The following SLC1A3 variants were observed in gnomAD, a reference collection of about 807,000 sequenced individuals.
SLC1A3 encodes excitatory amino acid transporter 1.
In SLC1A3, 21 loss-of-function variants were observed where a neutral mutation model predicts 48.1. The ratio of observed to expected loss-of-function variants is 0.44; its 90% CI spans 0.31 to 0.63. The LOEUF (loss-of-function observed/expected upper bound fraction) is 0.63, where lower values mean the gene tolerates loss of function less well. Among genes scored for constraint, SLC1A3 ranks in the 20% least tolerant of loss-of-function variants. SLC1A3 has a pLI of 0.08. For synonymous variants in SLC1A3, 239 were observed against 251.4 expected (o/e 0.95, Z 0.47); for missense variants, 546 against 689.0 (o/e 0.79, Z 2.32).
rs192666910 is a variant in SLC1A3, at chr5:36,657,529, T to C, written c.320-13500T>C. 2.6e-5 allele frequency among the ~76,000 whole-genome samples: 4 copies of C among 152,344 alleles called. No individual in the cohort carries two copies. In the East Asian group the frequency reaches 7.7e-4, roughly 29 times the overall value. On this transcript the variant is annotated intron_variant, in intron 3 of 9. Transcript: ENST00000265113. ...AAAAAAACCCTGCCCTGTTCCATACTTTAATCAACGACTCAACAACATAGA... is the reference window on the plus strand; with the variant it reads ...AAAAAAACCCTGCCCTGTTCCATACCTTAATCAACGACTCAACAACATAGA...
chr5:36,676,443 A>G (rs1742209151), intron 5 of SLC1A3, among the ~76,000 whole-genome samples: 1 of 152,180 alleles, frequency 6.6e-6, no homozygotes, highest in Non-Finnish European at 1.5e-5. Flanking sequence ...ATACCAGGTG[A>G]TTTATCTATT....
intron 3 of SLC1A3, among the ~76,000 whole-genome samples, chr5:36,656,565 A>C (rs373951554): frequency 6.6e-6 from 1 of 152,252 alleles, no homozygotes; most frequent in East Asian, 1.9e-4. Context: ...CTAATTGGTC[A>C]GTGAGAATCT....
rs570445189 is a variant in SLC1A3, at chr5:36,676,762, T to C, written c.568-130T>C. The C allele has an allele frequency of 1.4e-4, 97 of 707,926 alleles. No homozygotes were observed. In the African/African-American group the frequency reaches 1.6e-3, roughly 12 times the overall value. The allele number at this position is 707,926 out of a possible 1,614,324, so 43.9% of individuals were successfully genotyped here. On this transcript the variant is annotated intron_variant, in intron 5 of 9. Transcript: ENST00000265113. ...ACAGATTAAAGAGAGAGAGAGACTT[T>C]CTATAACACTCATCTCTGAATACAA...
At chr5:36,678,262 G>A (rs932055441) in intron 6 of SLC1A3, among the ~76,000 whole-genome samples, 1 of 152,164 alleles carries the variant, frequency 6.6e-6, no homozygotes, top group Non-Finnish European at 1.5e-5. Flanking sequence ...TGTACAAGAT[G>A]GATATGAACT....
Position 36,680,593 on chromosome 5 carries a change from C to A in SLC1A3, c.1289+4C>A. 2 of 1,611,666 alleles carry A rather than the reference C, an allele frequency of 1.2e-6. No homozygotes were observed. The highest frequency in any genetic ancestry group is 1.7e-6 in the Non-Finnish European group (2 of 1,177,764). ...TCGGACAAATTATTACAATCAGGTA[C>A]AAGGAAAGAGTTCTATACACCCTTT... On this transcript the variant is annotated splice_donor_region_variant and intron_variant, in intron 8 of 9. Transcript: ENST00000265113.
intron 3 of SLC1A3, among the ~76,000 whole-genome samples, chr5:36,631,881 C>T (rs558525892): frequency 6.6e-6 from 1 of 152,186 alleles, no homozygotes; most frequent in Non-Finnish European, 1.5e-5. Flanking sequence ...ATTACACAGA[C>T]CCCTGGAGGA....
At chr5:36,610,512 G>A (rs113581234) in intron 2 of SLC1A3, among the ~76,000 whole-genome samples, 1 of 152,322 alleles carries the variant, frequency 6.6e-6, no homozygotes, top group Non-Finnish European at 1.5e-5. Context: ...CACCAGAAGA[G>A]TGGAATTTCT....
intron 6 of SLC1A3, among the ~76,000 whole-genome samples, chr5:36,677,666 G>A (rs1742268662): frequency 6.6e-6 from 1 of 152,210 alleles, no homozygotes; most frequent in South Asian, 2.1e-4. Context: ...AAAATTGCAG[G>A]TAACTAGGAG....
At chr5:36,597,142 G>T (rs1353696017) in intron 1 of SLC1A3, among the ~76,000 whole-genome samples, 1 of 149,928 alleles carries the variant, frequency 6.7e-6, no homozygotes, top group Non-Finnish European at 1.5e-5. Flanking sequence ...GTTCTGCCAG[G>T]TACTAGAAAA....
intron 2 of SLC1A3, among the ~76,000 whole-genome samples, chr5:36,611,052 A>G (rs2111668697): frequency 6.6e-6 from 1 of 152,362 alleles, no homozygotes; most frequent in East Asian, 1.9e-4. Flanking sequence ...CCCAGTGAAT[A>G]TAAAGGCTCT....
intron 3 of SLC1A3, among the ~76,000 whole-genome samples, chr5:36,663,075 C>T (rs1054290818): frequency 6.6e-6 from 1 of 152,226 alleles, no homozygotes; most frequent in African/African-American, 2.4e-5. Context: ...TTAGTCCTAT[C>T]AGACCGAGGA....
At chr5:36,602,675 T>G (rs1259645174), upstream of SLC1A3, among the ~76,000 whole-genome samples, 1 of 152,240 alleles carries the variant, frequency 6.6e-6, no homozygotes, top group African/African-American at 2.4e-5. Flanking sequence ...GGATCACTTG[T>G]GAGAAAAATA....
At chr5:36,662,787 C>T (rs3756468) in intron 3 of SLC1A3, among the ~76,000 whole-genome samples, 3,824 of 152,292 alleles carry the variant, frequency 0.025, 76 homozygotes, top group East Asian at 0.083. Flanking sequence ...AAACCACATA[C>T]TGGGAAGATC....
At chr5:36,659,646 G>A (rs888396766) in intron 3 of SLC1A3, among the ~76,000 whole-genome samples, 2 of 152,060 alleles carry the variant, frequency 1.3e-5, no homozygotes, top group Admixed American at 6.5e-5. Flanking sequence ...GTACCAACAC[G>A]TTTCTGTTTT....
At chr5:36,676,870 C>T (rs1245554167) in intron 5 of SLC1A3, 22 bp from the exon 6 acceptor site, 3 of 1,587,532 alleles carry the variant, frequency 1.9e-6, no homozygotes, top group Non-Finnish European at 2.6e-6. Flanking sequence ...CTTTAATCCT[C>T]GTTGTGCTTT....
At chr5:36,670,827 A>G (rs1741959899) in intron 3 of SLC1A3, 2 of 614,484 alleles carry the variant, frequency 3.3e-6, no homozygotes, top group South Asian at 3.7e-5. Context: ...GTTCACTGAC[A>G]CTGCTGATGC....
chr5:36,682,445 G>A (rs1231746271), intron 8 of SLC1A3, among the ~76,000 whole-genome samples: 1 of 152,024 alleles, frequency 6.6e-6, no homozygotes, highest in Non-Finnish European at 1.5e-5. Flanking sequence ...GTTATAATGG[G>A]ACTTAGGAGA....
At chr5:36,663,634 AAAGT>A (rs1254305574) in intron 3 of SLC1A3, among the ~76,000 whole-genome samples, 2 of 152,180 alleles carry the variant, frequency 1.3e-5, no homozygotes, top group Non-Finnish European at 2.9e-5. Context: ...TTTCCCTGAT[AAAGT>A]ATGTGCCATC....
rs372894310 is a variant in SLC1A3 at position 36,661,284 on chromosome 5, C to T, written c.320-9745C>T. ...AAAATTAGCCAAGCGTGGTGGTGGG[C>T]ACCTGTAATCCCAGCTACTTGGGAG... is the stretch of plus-strand genomic sequence containing the variant. On this transcript the variant is annotated intron_variant, in intron 3 of 9. Transcript: ENST00000265113. 4.1e-4 allele frequency among the ~76,000 whole-genome samples: 62 copies of T among 152,212 alleles called. 1 individual carries two copies. In the East Asian group the frequency reaches 0.011, roughly 26 times the overall value.
Sources: gnomAD v4.1 joint callset for allele counts (sites outside exome capture counted in the v4.1 genomes callset) on GRCh38, gnomAD v4.1.1 for gene constraint, MANE v1.5 for transcripts, NCBI Gene and HGNC (gene_info 2026-07-23, HGNC 2026-07-21) for gene names.